Variants in BDH1 observed in about 807,000 individuals in gnomAD.
BDH1 encodes the protein 3-hydroxybutyrate dehydrogenase 1, also known as D-beta-hydroxybutyrate dehydrogenase, mitochondrial.
BDH1 carries 30 observed loss-of-function variants against 33.1 expected under a neutral mutation model. The ratio of observed to expected loss-of-function variants is 0.91; its 90% CI spans 0.68 to 1.23. The LOEUF (loss-of-function observed/expected upper bound fraction) is 1.23, where lower values mean the gene tolerates loss of function less well. BDH1 is among the 50% of genes most tolerant of loss of function. The pLI, the probability that BDH1 is intolerant of heterozygous loss-of-function variation, is 0.00. For synonymous variants in BDH1, 190 were observed against 183.6 expected (o/e 1.03, Z -0.28); for missense variants, 443 against 464.4 (o/e 0.95, Z 0.42).
rs961082630 is a variant in BDH1 at position 197,511,657 on chromosome 3, C to G, written c.*238G>C. 2 of 448,764 alleles carry G rather than the reference C, an allele frequency of 4.5e-6. No individual in the cohort carries two copies. The highest frequency in any genetic ancestry group is 4.0e-5 in the African/African-American group (2 of 49,828). The allele number at this position is 448,764 out of a possible 1,614,324, so 27.8% of individuals were successfully genotyped here. On this transcript the variant is annotated 3_prime_UTR_variant, in exon 8 of 8. Coordinates refer to ENST00000392379, the MANE Select transcript of BDH1 (RefSeq NM_203314.3). ...GAAATTATCTCCGGAGAGATAGATT[C>G]ACCATGTTTGCCCTGAGATTTAGAG...
At chr3:197,558,308 AG>A (rs1281743905), upstream of BDH1, among the ~76,000 whole-genome samples, 7 of 152,238 alleles carry the variant, frequency 4.6e-5, no homozygotes, top group East Asian at 1.3e-3. Flanking sequence ...TAAACCTGGA[AG>A]TGCAAAGGAA....
At chr3:197,562,230 C>T (rs773236475) in intron 1 of BDH1, among the ~76,000 whole-genome samples, 1 of 135,686 alleles carries the variant, frequency 7.4e-6, no homozygotes, top group African/African-American at 2.9e-5. Flanking sequence ...TTTCTTTTCT[C>T]TTCTCTCCTA....
chr3:197,565,608 CCT>C (rs1717409446), intron 1 of BDH1, among the ~76,000 whole-genome samples: 1 of 152,000 alleles, frequency 6.6e-6, no homozygotes, highest in Non-Finnish European at 1.5e-5. Flanking sequence ...ATGGGAAACT[CCT>C]ATAATTTTGA....
chr3:197,533,271 G>A (rs35414948), intron 4 of BDH1, among the ~76,000 whole-genome samples: 35,730 of 152,062 alleles, frequency 0.23, 4,824 homozygotes, highest in African/African-American at 0.37. Context: ...CTGGCTGGGA[G>A]GGGCTGGAGT....
intron 3 of BDH1, among the ~76,000 whole-genome samples, chr3:197,542,030 T>C (rs1715674389): frequency 6.6e-6 from 1 of 152,232 alleles, no homozygotes; most frequent in Non-Finnish European, 1.5e-5. Context: ...ACCCACCTAG[T>C]GGTCACGTGA....
chr3:197,510,599 G>GGGGGGTGTGTGTGTGT lies in BDH1; in HGVS notation c.*1295_*1296insACACACACACACCCCC, dbSNP rs1553865645. 1.3e-5 allele frequency: 1 copy of GGGGGGTGTGTGTGTGT among 75,376 alleles called. No individual in the cohort carries two copies. The highest frequency in any genetic ancestry group is 7.8e-4 in the East Asian group (1 of 1,274). The allele number at this position is 75,376 out of a possible 1,614,324, so 4.7% of individuals were successfully genotyped here. On this transcript the variant is annotated 3_prime_UTR_variant, in exon 8 of 8. Transcript: ENST00000392379. Reference sequence around the variant, plus strand: ...CCACGCTGAAGCCCTGCAGAACAGGGGTGTGTGTGTGTGTGTGTGTGTGTG... The same window carrying GGGGGGTGTGTGTGTGT: ...CCACGCTGAAGCCCTGCAGAACAGGGGGGGGTGTGTGTGTGTGTGTGTGTGTGTGTGTGTGTGTGTG...
At chr3:197,536,375 T>C (rs1480308878) in intron 3 of BDH1, among the ~76,000 whole-genome samples, 3 of 152,244 alleles carry the variant, frequency 2.0e-5, no homozygotes, top group African/African-American at 2.4e-5. Flanking sequence ...TCTTCATCTA[T>C]AAAAAATATG....
intron 2 of BDH1, among the ~76,000 whole-genome samples, chr3:197,549,273 T>C (rs1419552730): frequency 6.6e-6 from 1 of 152,186 alleles, no homozygotes; most frequent in Non-Finnish European, 1.5e-5. Flanking sequence ...CATTTTTTAA[T>C]GCTAGAAACA....
At chr3:197,564,577 A>G (rs913521109) in intron 1 of BDH1, among the ~76,000 whole-genome samples, 1 of 152,232 alleles carries the variant, frequency 6.6e-6, no homozygotes, top group African/African-American at 2.4e-5. Context: ...ATGCCAATCA[A>G]AATAAACTGC....
exon 1 of BDH1, chr3:197,573,290 A>G (rs1717669684): frequency 6.6e-6 from 1 of 151,688 alleles, no homozygotes; most frequent in Admixed American, 6.6e-5. Flanking sequence ...CACCCCTGGA[A>G]ACCTTTTCCA....
At chr3:197,524,688 G>A (rs1288723110) in intron 5 of BDH1, among the ~76,000 whole-genome samples, 3 of 151,562 alleles carry the variant, frequency 2.0e-5, no homozygotes, top group Non-Finnish European at 4.4e-5. Flanking sequence ...CTGCCTGGAG[G>A]TGTTGAGGCA....
At chr3:197,542,428 C>A (rs1426459851) in intron 3 of BDH1, among the ~76,000 whole-genome samples, 2 of 152,080 alleles carry the variant, frequency 1.3e-5, no homozygotes, top group Non-Finnish European at 2.9e-5. Context: ...TGCTGGCCAA[C>A]CAAGCCACTA....
intron 1 of BDH1, among the ~76,000 whole-genome samples, chr3:197,571,091 T>G (rs1252380680): frequency 6.6e-6 from 1 of 152,224 alleles, no homozygotes; most frequent in Non-Finnish European, 1.5e-5. Flanking sequence ...GCTTTAAGAT[T>G]TGGCTGCCCT....
Position 197,526,429 on chromosome 3 carries a change from CCT to C in BDH1, c.268-3650_268-3649del, listed in dbSNP as rs1177540060. On this transcript the variant is annotated intron_variant, in intron 5 of 7. Transcript: ENST00000392379. This position sits in a 1 kb window ranked among gnomAD's most constrained non-coding sequence, Gnocchi z 4.7. ...CTGGCTAATGTCTGCTGTTGCTGCC[CCT>C]GAGAGAGCAGGTGCACAAAAGCCAG... is the stretch of plus-strand genomic sequence containing the variant. 6.6e-6 allele frequency among the ~76,000 whole-genome samples: 1 copy of C among 152,210 alleles called. No homozygotes were observed. Among genetic ancestry groups the C allele is most frequent in the Admixed American group, 6.5e-5 (1 of 15,290 alleles).
chr3:197,522,687 T>C lies in BDH1; in HGVS notation c.362A>G (p.Glu121Gly), dbSNP rs774693783. Residue 121 changes from glutamate to glycine, a missense_variant, in exon 6 of 8, where the codon GAG becomes GGG. Transcript: ENST00000392379. The surrounding 1 kb of genome is among the most constrained non-coding windows in gnomAD (Gnocchi z 4.8). ...CGAGCGGACAATCTCCACCACTTTC[T>C]CCACCTCTTCGCTGCTGCAGACATT... ...QLNVCSSEEVEKVVEIVRSSL... is the reference protein window; with the variant it reads ...QLNVCSSEEVGKVVEIVRSSL... 3.1e-6 allele frequency: 5 copies of C among 1,614,174 alleles called. No homozygotes were observed. The South Asian group carries it at 5.5e-5, about 18-fold the overall frequency.
At chr3:197,538,137 T>C (rs553884264) in intron 3 of BDH1, among the ~76,000 whole-genome samples, 5 of 152,198 alleles carry the variant, frequency 3.3e-5, no homozygotes, top group Non-Finnish European at 7.3e-5. Flanking sequence ...ATCCAGGGTT[T>C]TTAGTTGTAC....
At chr3:197,515,101 G>T (rs561129789) in intron 6 of BDH1, among the ~76,000 whole-genome samples, 1 of 152,234 alleles carries the variant, frequency 6.6e-6, no homozygotes, top group East Asian at 1.9e-4. Context: ...TGGGAACTCG[G>T]CGCTGCTTTA....
chr3:197,537,575 T>C (rs1715266165), intron 3 of BDH1, among the ~76,000 whole-genome samples: 1 of 152,220 alleles, frequency 6.6e-6, no homozygotes, highest in Non-Finnish European at 1.5e-5. Context: ...CGGTGAGAAC[T>C]AATATCCTTG....
rs1560296905 is a variant in BDH1 at position 197,510,684 on chromosome 3, G to GTGTGTGTGTGTGTGT, written c.*1210_*1211insACACACACACACACA. On this transcript the variant is annotated 3_prime_UTR_variant, in exon 8 of 8. Transcript: ENST00000392379. ...TGTGTGTGTGTGTACATGTGTGTAA[G>GTGTGTGTGTGTGTGT]GTGTGTGTGTGTGTGTGTGTGTGTG... 5.8e-4 allele frequency: 34 copies of GTGTGTGTGTGTGTGT among 58,696 alleles called. 1 individual carries two copies. The highest frequency in any genetic ancestry group is 9.8e-3 in the Middle Eastern group (1 of 102). The allele number at this position is 58,696 out of a possible 1,614,324, so 3.6% of individuals were successfully genotyped here. A position where few individuals can be genotyped will look rare whatever the true frequency, so the allele number is the denominator to read the frequency against.
Sources: gnomAD v4.1 joint callset for allele counts (sites outside exome capture counted in the v4.1 genomes callset) on GRCh38, gnomAD v4.1.1 for gene constraint, Gnocchi (gnomAD v3.1) non-coding constraint, MANE v1.5 for transcripts, NCBI Gene and HGNC (gene_info 2026-07-23, HGNC 2026-07-21) for gene names.